The following CACUL1 variants were observed in gnomAD, a reference collection of about 807,000 sequenced individuals.
CACUL1 encodes the protein CDK2-associated and cullin domain-containing protein 1.
A neutral mutation model predicts 45.2 loss-of-function variants in CACUL1; 13 were observed. The ratio of observed to expected loss-of-function variants is 0.29; its 90% CI spans 0.19 to 0.46. The LOEUF (loss-of-function observed/expected upper bound fraction) is 0.46. CACUL1 is among the 20% of genes least tolerant of loss of function. CACUL1 has a pLI of 1.00. For synonymous variants in CACUL1, 197 were observed against 174.2 expected (o/e 1.13, Z -1.03); for missense variants, 421 against 471.4 (o/e 0.89, Z 0.99).
chr10:118,730,332 G>C lies in CACUL1; in HGVS notation c.446C>G (p.Thr149Ser). ...KLDGAIDQLL[T>S]QSPGDYIPIS... ...GGGGATATAGTCACCAGGACTCTGA[G>C]TTAAAAGTTGATCTATGGCACCATC... The change falls in exon 2 of 9, where the codon ACT (threonine) becomes AGT (serine). Residue 149 changes from threonine to serine, a missense_variant. Around this residue, in one of 2 missense-constraint regions of CACUL1, gnomAD observed 208 missense variants for 298.4 expected, o/e 0.70. Transcript: ENST00000369151. The C allele has an allele frequency of 6.2e-7, 1 of 1,613,908 alleles. No homozygotes were observed. Among genetic ancestry groups the C allele is most frequent in the Non-Finnish European group, 8.5e-7 (1 of 1,179,802 alleles).
chr10:118,749,442 T>C (rs569711528), intron 1 of CACUL1, among the ~76,000 whole-genome samples: 21 of 152,250 alleles, frequency 1.4e-4, no homozygotes, highest in African/African-American at 4.8e-4. Flanking sequence ...TCTGTTATAA[T>C]GGACAGAAAA....
At chr10:118,688,869 C>T (rs534881416) in intron 7 of CACUL1, among the ~76,000 whole-genome samples, 35 of 152,284 alleles carry the variant, frequency 2.3e-4, no homozygotes, top group Admixed American at 3.3e-4. Flanking sequence ...TGAGAATCCA[C>T]TAACTGCAAA....
intron 7 of CACUL1, among the ~76,000 whole-genome samples, 195 bp downstream of exon 7, chr10:118,691,070 T>A (rs1376253370): frequency 6.6e-6 from 1 of 152,118 alleles, no homozygotes; most frequent in Non-Finnish European, 1.5e-5. Context: ...ACGTACGTAA[T>A]GAAGAGCAGC....
chr10:118,716,902 C>G (rs1229905907), intron 3 of CACUL1, among the ~76,000 whole-genome samples: 1 of 152,078 alleles, frequency 6.6e-6, no homozygotes, highest in Non-Finnish European at 1.5e-5. Flanking sequence ...GAGCCCAGCG[C>G]ACTATCTTAT....
chr10:118,686,473 T>G (rs774894557), intron 8 of CACUL1, 125 bp downstream of exon 8: 1 of 807,528 alleles, frequency 1.2e-6, no homozygotes, highest in Non-Finnish European at 2.1e-6. Context: ...TGACCTTGAT[T>G]ACAAGCAGTG....
chr10:118,725,134 T>C (rs1176767145), intron 3 of CACUL1, among the ~76,000 whole-genome samples: 1 of 152,106 alleles, frequency 6.6e-6, no homozygotes, highest in Non-Finnish European at 1.5e-5. Context: ...GCTCTGGAGA[T>C]ACAGAAAAAT....
chr10:118,690,613 T>C (rs1845255852), intron 7 of CACUL1, among the ~76,000 whole-genome samples: 1 of 152,204 alleles, frequency 6.6e-6, no homozygotes, highest in Non-Finnish European at 1.5e-5. Context: ...TTAAAGCCTC[T>C]ATGCTAGGTT....
intron 6 of CACUL1, among the ~76,000 whole-genome samples, chr10:118,692,108 T>G (rs1461523352): frequency 6.6e-6 from 1 of 151,776 alleles, no homozygotes; most frequent in Non-Finnish European, 1.5e-5. Flanking sequence ...AGCCCAAGAA[T>G]AGAACAGTAC....
At chr10:118,694,194 A>T (rs1026705614) in intron 6 of CACUL1, among the ~76,000 whole-genome samples, 2 of 152,222 alleles carry the variant, frequency 1.3e-5, no homozygotes, top group Non-Finnish European at 2.9e-5. Flanking sequence ...TCAGTCTACC[A>T]GTACCAGTTT....
At chr10:118,704,952 G>A (rs1431747849) in intron 4 of CACUL1, among the ~76,000 whole-genome samples, 1 of 152,220 alleles carries the variant, frequency 6.6e-6, no homozygotes, top group South Asian at 2.1e-4. Context: ...CAGCATGGCC[G>A]AGCAAGGCCC....
At chr10:118,739,067 G>A (rs148745474) in intron 1 of CACUL1, among the ~76,000 whole-genome samples, 1 of 151,698 alleles carries the variant, frequency 6.6e-6, no homozygotes, top group Non-Finnish European at 1.5e-5. Context: ...ATGGTGGCGG[G>A]CACCTGTATT....
intron 1 of CACUL1, among the ~76,000 whole-genome samples, chr10:118,746,651 A>C (rs545436904): frequency 7.4e-4 from 113 of 152,324 alleles, no homozygotes; most frequent in African/African-American, 2.5e-3. Context: ...ACCGTTAAGA[A>C]AAAAAAGACA....
In CACUL1 at chr10:118,731,427, C is replaced by T. The variant is rs1845696960; in HGVS notation, c.368-1017G>A. The stretch of plus-strand genomic sequence containing the variant: ...AGTCATCCAGGTTCAAGATTTTTTT[C>T]TATGTACCATCTATATCATTTTTGT... On this transcript the variant is annotated intron_variant, in intron 1 of 8. Transcript: ENST00000369151. Among the ~76,000 whole-genome samples the T allele has an allele frequency of 2.0e-5, 3 of 152,106 alleles. No homozygotes were observed. The South Asian group carries it at 6.2e-4, about 32-fold the overall frequency.
intron 1 of CACUL1, among the ~76,000 whole-genome samples, chr10:118,747,612 T>G: frequency 8.2e-6 from 1 of 122,506 alleles, no homozygotes; most frequent in Admixed American, 8.0e-5. Context: ...GAAAAATGAA[T>G]AAGTAACTGA....
intron 3 of CACUL1, among the ~76,000 whole-genome samples, chr10:118,725,609 T>C (rs1252897125): frequency 6.6e-6 from 1 of 152,168 alleles, no homozygotes; most frequent in Non-Finnish European, 1.5e-5. Flanking sequence ...TGAAATATAA[T>C]AGTAAGGAGA....
chr10:118,687,937 T>C (rs73423917), intron 7 of CACUL1, among the ~76,000 whole-genome samples: 3,841 of 152,340 alleles, frequency 0.025, 151 homozygotes, highest in African/African-American at 0.087. Flanking sequence ...TAGAAGAGTA[T>C]AGACAATAAA....
At chr10:118,718,852 C>T (rs1278431052) in intron 3 of CACUL1, among the ~76,000 whole-genome samples, 3 of 152,184 alleles carry the variant, frequency 2.0e-5, no homozygotes, top group Admixed American at 6.5e-5. Context: ...GGATTACAGG[C>T]GTGAGCCACC....
chr10:118,700,150 GA>G (rs1200685213), intron 5 of CACUL1, among the ~76,000 whole-genome samples: 1 of 151,754 alleles, frequency 6.6e-6, no homozygotes, highest in Non-Finnish European at 1.5e-5. Flanking sequence ...GTCAAGCTTA[GA>G]ACAATTCTTT....
At chr10:118,696,158 A>C (rs1845320040) in intron 5 of CACUL1, among the ~76,000 whole-genome samples, 1 of 151,406 alleles carries the variant, frequency 6.6e-6, no homozygotes, top group Admixed American at 6.6e-5. Flanking sequence ...AGATGCACTC[A>C]CTGTTCAAGT....
Sources: allele counts gnomAD v4.1 joint callset (sites outside exome capture counted in the v4.1 genomes callset), GRCh38; gene constraint gnomAD v4.1.1; regional missense constraint gnomAD v4.1.1; transcripts MANE v1.5; gene names NCBI Gene and HGNC (gene_info 2026-07-23, HGNC 2026-07-21).